Variants in SLC25A19 observed in about 807,000 individuals in gnomAD.
SLC25A19 encodes the protein mitochondrial thiamine pyrophosphate carrier.
Under a neutral mutation model 27.9 loss-of-function variants are expected in SLC25A19, and 18 were observed. The observed-to-expected ratio is 0.64, with a 90% confidence interval of 0.45 to 0.96. SLC25A19 has a LOEUF of 0.96. SLC25A19 is among the 40% of genes least tolerant of loss of function. The pLI is 0.00. For synonymous variants in SLC25A19, 169 were observed against 167.1 expected (o/e 1.01, Z -0.09); for missense variants, 371 against 418.3 (o/e 0.89, Z 0.99).
rs1311454553 is a variant in SLC25A19, at chr17:75,273,261, TC to T, written c.*189del. On this transcript the variant is annotated 3_prime_UTR_variant, in exon 8 of 8. Transcript: ENST00000416858. ...GCTCACCATAGACCACGTCCTGCAT[TC>T]CCTCTGATTCTCTCATGGGGAGAGC... The T allele has an allele frequency of 1.6e-6, 1 of 617,580 alleles. No homozygotes were observed. The highest frequency in any genetic ancestry group is 1.9e-5 in the South Asian group (1 of 51,686). The allele number at this position is 617,580 out of a possible 1,614,324, so 38.3% of individuals were successfully genotyped here. A position where few individuals can be genotyped will look rare whatever the true frequency, so the allele number is the denominator to read the frequency against.
At chr17:75,276,393 T>C (rs550050256) in intron 7 of SLC25A19, among the ~76,000 whole-genome samples, 54 of 152,194 alleles carry the variant, frequency 3.5e-4, no homozygotes, top group Non-Finnish European at 6.9e-4. Flanking sequence ...TTTGGGGACC[T>C]TCCTTGCTCT....
chr17:75,286,346 G>A lies in SLC25A19; in HGVS notation c.246C>T (p.His82=), dbSNP rs535476833. ...CTATGGAGAGAATCTGAGCTGGGAC[G>A]TGTCCTTTCCAGAAAGCTGTCGGAC... ...EEGPTAFWKG[H]VPAQILSIGY... is the part of the protein sequence containing the mutation. The change falls in exon 4 of 8, where the codon CAC becomes CAT. Residue 82 remains histidine, a synonymous_variant. Coordinates refer to ENST00000416858, the MANE Select transcript of SLC25A19 (RefSeq NM_001126121.2). 240 of 1,614,102 alleles carry A rather than the reference G, an allele frequency of 1.5e-4. 2 individuals are homozygous for A. In the South Asian group the frequency reaches 2.1e-3, roughly 14 times the overall value.
In SLC25A19 at chr17:75,283,542, C is replaced by T. The variant is rs760872973; in HGVS notation, c.340G>A (p.Asp114Asn). The T allele has an allele frequency of 3.8e-5, 61 of 1,613,564 alleles. No individual in the cohort carries two copies. Among genetic ancestry groups the T allele is most frequent in the Non-Finnish European group, 4.9e-5 (58 of 1,179,868 alleles). Reference sequence around the variant, plus strand: ...AAGTGCACTGAGAATTCCCGGGCGTCATACACGCTGCCTCTGTGGACCAGC... The same window carrying T: ...AAGTGCACTGAGAATTCCCGGGCGTTATACACGCTGCCTCTGTGGACCAGC... Reference protein sequence around the residue: ...TELVHRGSVYDAREFSVHFVC... With the variant: ...TELVHRGSVYNAREFSVHFVC... Residue 114 changes from aspartate to asparagine, a missense_variant, in exon 5 of 8, where the codon GAC becomes AAC. By Grantham distance (23) the Asp-to-Asn change is conservative (BLOSUM62 1). Coordinates refer to ENST00000416858, the MANE Select transcript of SLC25A19 (RefSeq NM_001126121.2).
At chr17:75,280,688 C>T (rs2078017084) in intron 5 of SLC25A19, among the ~76,000 whole-genome samples, 1 of 151,856 alleles carries the variant, frequency 6.6e-6, no homozygotes, top group African/African-American at 2.4e-5. Context: ...TGGTGGGCGC[C>T]TGTAATCCCA....
chr17:75,287,258 G>C (rs1598199387), intron 2 of SLC25A19: 1 of 165,420 alleles, frequency 6.0e-6, no homozygotes, highest in East Asian at 1.6e-4. Flanking sequence ...TCACTTAACA[G>C]GTGCAGGCCT....
intron 2 of SLC25A19, chr17:75,288,123 TAC>T (rs1207379759): frequency 6.6e-6 from 1 of 152,074 alleles, no homozygotes; most frequent in Non-Finnish European, 1.5e-5. Context: ...CAGCCTGGGC[TAC>T]AGAGTGAGAC....
rs2077810086 is a variant in SLC25A19, at chr17:75,274,371, C to G, written c.775-732G>C. Among the ~76,000 whole-genome samples, 6 of 152,298 alleles carry G rather than the reference C, an allele frequency of 3.9e-5. No individual in the cohort carries two copies. In the South Asian group the frequency reaches 1.2e-3, roughly 32 times the overall value. ...ACCTCACACACTGCTGCCAGACATT[C>G]ATCCCCAGGCACAACCCTCCTCAAG... On this transcript the variant is annotated intron_variant, in intron 7 of 7. Transcript: ENST00000416858.
Position 75,289,374 on chromosome 17 carries a change from C to G in SLC25A19, c.-149G>C, listed in dbSNP as rs1196800132. 2 of 151,476 alleles carry G rather than the reference C, an allele frequency of 1.3e-5. No individual in the cohort carries two copies. Among genetic ancestry groups the G allele is most frequent in the Admixed American group, 6.6e-5 (1 of 15,258 alleles). The allele number at this position is 151,476 out of a possible 1,614,324, so 9.4% of individuals were successfully genotyped here. A position where few individuals can be genotyped will look rare whatever the true frequency, so the allele number is the denominator to read the frequency against. ...CTCACACGGCTCGGCGGGTGCGGCCCGGCTCAGCGCTCTCCGCTCTCTCTA... is the reference window on the plus strand; with the variant it reads ...CTCACACGGCTCGGCGGGTGCGGCCGGGCTCAGCGCTCTCCGCTCTCTCTA... On this transcript the variant is annotated 5_prime_UTR_variant, in exon 1 of 8. Coordinates refer to ENST00000416858, the MANE Select transcript of SLC25A19 (RefSeq NM_001126121.2).
chr17:75,278,530 T>G (rs1337306566), intron 5 of SLC25A19, among the ~76,000 whole-genome samples, 195 bp from the exon 6 acceptor site: 1 of 152,132 alleles, frequency 6.6e-6, no homozygotes, highest in African/African-American at 2.4e-5. Flanking sequence ...CTTCTACACA[T>G]GTATACCACT....
At chr17:75,284,404 A>G (rs545865467) in intron 4 of SLC25A19, among the ~76,000 whole-genome samples, 28 of 152,294 alleles carry the variant, frequency 1.8e-4, no homozygotes, top group African/African-American at 6.7e-4. Context: ...CTCTGTCTCA[A>G]GAAAAAATAA....
intron 2 of SLC25A19, among the ~76,000 whole-genome samples, chr17:75,287,969 C>A (rs980052057): frequency 6.6e-6 from 1 of 152,002 alleles, no homozygotes; most frequent in African/African-American, 2.4e-5. Flanking sequence ...CATGGTGAAA[C>A]CCTGTCTCTA....
At chr17:75,277,070 T>A (rs2077908615) in intron 7 of SLC25A19, among the ~76,000 whole-genome samples, 1 of 151,504 alleles carries the variant, frequency 6.6e-6, no homozygotes, top group Non-Finnish European at 1.5e-5. Context: ...TCAGGAGGGT[T>A]CAAGACCAGC....
At position 75,283,329 on chromosome 17, in the gene SLC25A19, A is replaced by G. The variant is rs2078093871; in HGVS notation, c.459+94T>C. The G allele has an allele frequency of 3.2e-6, 4 of 1,268,452 alleles. No individual in the cohort carries two copies. In the Admixed American group the frequency reaches 1.2e-4, roughly 37 times the overall value. The allele number at this position is 1,268,452 out of a possible 1,614,324, so 78.6% of individuals were successfully genotyped here. On this transcript the variant is annotated intron_variant, in intron 5 of 7. Coordinates refer to ENST00000416858, the MANE Select transcript of SLC25A19 (RefSeq NM_001126121.2). The stretch of plus-strand genomic sequence containing the variant: ...CAAAACAAAACAGAACAAAACAAAA[A>G]TAAATAAATAAATAAATAAAAAATA...
At chr17:75,286,539 T>G in intron 3 of SLC25A19, 80 bp from the exon 4 acceptor site, 2 of 1,613,764 alleles carry the variant, frequency 1.2e-6, no homozygotes, top group Non-Finnish European at 1.7e-6. Flanking sequence ...GGCAAGCCCT[T>G]CATCTGGATA....
At chr17:75,284,584 T>TCTTTTG (rs1247176347) in intron 4 of SLC25A19, among the ~76,000 whole-genome samples, 2 of 151,866 alleles carry the variant, frequency 1.3e-5, no homozygotes, top group East Asian at 3.9e-4. Flanking sequence ...TGGGGCAGAT[T>TCTTTTG]CTTTTGGGAG....
chr17:75,283,975 A>G (rs1190611422), intron 4 of SLC25A19, among the ~76,000 whole-genome samples: 2 of 152,216 alleles, frequency 1.3e-5, no homozygotes, highest in South Asian at 2.1e-4. Flanking sequence ...TTAGTCAGGC[A>G]TGGTGGCGGG....
chr17:75,287,019 T>C, intron 2 of SLC25A19: 1 of 469,150 alleles, frequency 2.1e-6, no homozygotes, highest in South Asian at 2.2e-5. Context: ...TGGGCAACAC[T>C]GCAAAACCCC....
intron 4 of SLC25A19, among the ~76,000 whole-genome samples, chr17:75,285,167 G>T (rs2078152726): frequency 6.6e-6 from 1 of 152,146 alleles, no homozygotes; most frequent in South Asian, 2.1e-4. Context: ...AAACTCCTGA[G>T]CTCAAGCCAT....
At chr17:75,282,677 C>G (rs112955067) in intron 5 of SLC25A19, among the ~76,000 whole-genome samples, 4 of 150,914 alleles carry the variant, frequency 2.7e-5, no homozygotes, top group Admixed American at 6.6e-5. Context: ...CTGGTGAAAC[C>G]CTGTCTCTAC....
Sources: gnomAD v4.1 joint callset for allele counts (sites outside exome capture counted in the v4.1 genomes callset) on GRCh38, gnomAD v4.1.1 for gene constraint, MANE v1.5 for transcripts, NCBI Gene and HGNC (gene_info 2026-07-23, HGNC 2026-07-21) for gene names.